CDHR3: variants seen among roughly 807,000 people sequenced by gnomAD.
CDHR3 encodes cadherin related family member 3, also known as cadherin-related family member 3.
Under a neutral mutation model 86.6 loss-of-function variants are expected in CDHR3, and 79 were observed. The ratio of observed to expected loss-of-function variants is 0.91; its 90% CI spans 0.76 to 1.10. The LOEUF (loss-of-function observed/expected upper bound fraction) is 1.10. Ranked by LOEUF, CDHR3 falls within the 50% of genes least tolerant of loss-of-function variation. The pLI is 0.00. For synonymous variants in CDHR3, 421 were observed against 402.4 expected (o/e 1.05, Z -0.55); for missense variants, 1,081 against 1,077.6 (o/e 1.00, Z -0.04).
chr7:106,024,508 C>T lies in CDHR3; in HGVS notation c.2204C>T (p.Ala735Val). Residue 735 changes from alanine to valine, a missense_variant, in exon 15 of 19, where the codon GCC (alanine) becomes GTC (valine). Physicochemically the swap from Ala to Val is moderately conservative, Grantham distance 64. Coordinates refer to ENST00000317716, the MANE Select transcript of CDHR3 (RefSeq NM_152750.5). Reference protein sequence around the residue: ...GLLVYLVVLLAKAIHRHCPCK... With the variant: ...GLLVYLVVLLVKAIHRHCPCK... ...CTCGTGTACCTGGTCGTCCTATTGGCCAAAGCCATCCACAGACACTGCCCC... is the reference window on the plus strand; with the variant it reads ...CTCGTGTACCTGGTCGTCCTATTGGTCAAAGCCATCCACAGACACTGCCCC... 1 of 1,614,052 alleles carries T rather than the reference C, an allele frequency of 6.2e-7. No individual in the cohort carries two copies. Among genetic ancestry groups the T allele is most frequent in the East Asian group, 2.2e-5 (1 of 44,882 alleles).
intron 2 of CDHR3, among the ~76,000 whole-genome samples, chr7:105,980,623 A>ATTTT (rs55880404): frequency 1.6e-4 from 17 of 108,112 alleles, no homozygotes; most frequent in East Asian, 2.7e-4. Flanking sequence ...TTTTTTTTTA[A>ATTTT]TTTTTTTTTT....
At chr7:106,015,855 T>C (rs1835540331) in intron 10 of CDHR3, 72 bp from the exon 11 acceptor site, 1 of 1,135,454 alleles carries the variant, frequency 8.8e-7, no homozygotes, top group Non-Finnish European at 1.3e-6. Context: ...CAGGAGATTC[T>C]TTAAAGATGT....
intron 10 of CDHR3, among the ~76,000 whole-genome samples, chr7:106,015,448 G>A (rs903418690): frequency 3.9e-5 from 6 of 151,968 alleles, no homozygotes; most frequent in Admixed American, 2.0e-4. Flanking sequence ...TAGCTGTCAA[G>A]TTCAAGTTCC....
chr7:106,032,806 C>A lies in CDHR3; in HGVS notation c.*109C>A. On this transcript the variant is annotated 3_prime_UTR_variant, in exon 19 of 19. Transcript: ENST00000317716. ...GGGGAAAATGTGGGCTGAGGGGATT[C>A]AGACATCCAGGGTCAAACATGGGAT... 8.5e-7 allele frequency: 1 copy of A among 1,174,764 alleles called. No homozygotes were observed. The highest frequency in any genetic ancestry group is 1.2e-6 in the Non-Finnish European group (1 of 852,102). The allele number at this position is 1,174,764 out of a possible 1,614,324, so 72.8% of individuals were successfully genotyped here.
chr7:106,012,527 C>T (rs552109101), intron 8 of CDHR3, among the ~76,000 whole-genome samples: 1 of 152,052 alleles, frequency 6.6e-6, no homozygotes, highest in South Asian at 2.1e-4. Context: ...TAGTGGGAGA[C>T]GAGTTCAGAG....
At chr7:106,025,466 A>C (rs1355546364) in intron 15 of CDHR3, among the ~76,000 whole-genome samples, 1 of 152,248 alleles carries the variant, frequency 6.6e-6, no homozygotes, top group Non-Finnish European at 1.5e-5. Flanking sequence ...TGCTTAGTAC[A>C]CTACCCAGCC....
chr7:105,982,162 G>T (rs1829841174), intron 3 of CDHR3, among the ~76,000 whole-genome samples: 1 of 152,080 alleles, frequency 6.6e-6, no homozygotes. Flanking sequence ...TCACTCAAAG[G>T]GAGTCTCCTT....
At chr7:105,967,426 G>T (rs1273757299) in intron 1 of CDHR3, among the ~76,000 whole-genome samples, 3 of 152,214 alleles carry the variant, frequency 2.0e-5, no homozygotes, top group Non-Finnish European at 4.4e-5. Flanking sequence ...ACATGTGTAT[G>T]TGTCTTTATA....
chr7:105,983,045 C>A (rs1315482269), intron 3 of CDHR3, among the ~76,000 whole-genome samples: 1 of 151,842 alleles, frequency 6.6e-6, no homozygotes, highest in Non-Finnish European at 1.5e-5. Flanking sequence ...AGTTAACCTT[C>A]CATAGCCACT....
chr7:105,994,907 G>A (rs1831949747), intron 5 of CDHR3, 62 bp downstream of exon 5: 7 of 1,369,504 alleles, frequency 5.1e-6, no homozygotes, highest in Admixed American at 1.9e-5. Flanking sequence ...AAAACATGAG[G>A]GATAGGTCAC....
intron 11 of CDHR3, among the ~76,000 whole-genome samples, chr7:106,016,965 T>A (rs1212426719): frequency 6.6e-6 from 1 of 152,084 alleles, no homozygotes; most frequent in Non-Finnish European, 1.5e-5. Flanking sequence ...CCTTGAGGAG[T>A]GTAATTTATG....
intron 7 of CDHR3, 107 bp from the exon 8 acceptor site, chr7:106,004,391 C>A (rs1833643692): frequency 1.2e-6 from 1 of 829,304 alleles, no homozygotes; most frequent in Non-Finnish European, 1.9e-6. Flanking sequence ...TTATGCTCTG[C>A]ATAAGCTCTT....
At chr7:106,025,176 T>C (rs1457725570) in intron 15 of CDHR3, among the ~76,000 whole-genome samples, 5 of 152,174 alleles carry the variant, frequency 3.3e-5, no homozygotes, top group Admixed American at 1.3e-4. Context: ...AGTGAGGTAG[T>C]AGAGTGACGT....
rs749791571 is a variant in CDHR3 at position 106,015,216 on chromosome 7, A to G, written c.1327+3A>G. 5.6e-6 allele frequency: 9 copies of G among 1,601,204 alleles called. No homozygotes were observed. The highest frequency in any genetic ancestry group is 7.7e-6 in the Non-Finnish European group (9 of 1,173,116). On this transcript the variant is annotated splice_donor_region_variant and intron_variant, in intron 10 of 18. Transcript: ENST00000317716. ...TGTGGCCCCCCCTTACTATAAAAGC[A>G]AGTATCATTTTGTTTTATTTCATGA...
chr7:105,976,014 C>T (rs773108926), intron 2 of CDHR3, among the ~76,000 whole-genome samples: 1 of 152,216 alleles, frequency 6.6e-6, no homozygotes, highest in Non-Finnish European at 1.5e-5. Flanking sequence ...CCGGTATTCT[C>T]ATCACCCTGG....
chr7:106,010,796 C>G (rs763418136), intron 8 of CDHR3, among the ~76,000 whole-genome samples: 57 of 152,148 alleles, frequency 3.7e-4, no homozygotes, highest in Non-Finnish European at 4.7e-4. Flanking sequence ...GAGAGATGGA[C>G]AAGGCTGGGC....
At chr7:106,023,051 G>A (rs900648124) in intron 14 of CDHR3, among the ~76,000 whole-genome samples, 1 of 152,164 alleles carries the variant, frequency 6.6e-6, no homozygotes, top group African/African-American at 2.4e-5. Context: ...ATAGGCGAGT[G>A]ATTCTCTAAG....
intron 4 of CDHR3, among the ~76,000 whole-genome samples, chr7:105,993,618 G>T (rs1329759242): frequency 6.8e-6 from 1 of 146,150 alleles, no homozygotes; most frequent in Non-Finnish European, 1.5e-5. Flanking sequence ...GGAGGCTGCA[G>T]TGAGCCATGA....
rs777741458 is a variant in CDHR3 at position 106,024,381 on chromosome 7, C to G, written c.2077C>G (p.Pro693Ala). 1 of 1,613,656 alleles carries G rather than the reference C, an allele frequency of 6.2e-7. No homozygotes were observed. The highest frequency in any genetic ancestry group is 1.7e-5 in the Admixed American group (1 of 60,000). ...PTTIITTTPR[P>A]RVTYQVLRKN... The stretch of plus-strand genomic sequence containing the variant: ...CCCTCCCTGCTCTCTGTTGTTCAAG[C>G]CCAGGGTCACCTATCAGGTCCTGAG... The change falls in exon 15 of 19, where the codon CCC becomes GCC. Residue 693 changes from proline to alanine, a missense_variant and splice_region_variant. Coordinates refer to ENST00000317716, the MANE Select transcript of CDHR3 (RefSeq NM_152750.5).
Sources: allele counts gnomAD v4.1 joint callset (sites outside exome capture counted in the v4.1 genomes callset), GRCh38; gene constraint gnomAD v4.1.1; transcripts MANE v1.5; gene names NCBI Gene and HGNC (gene_info 2026-07-23, HGNC 2026-07-21).